The following TEAD1 variants were observed in gnomAD, a reference collection of about 807,000 sequenced individuals.
The protein encoded by TEAD1 is transcriptional enhancer factor TEF-1.
In TEAD1, 9 loss-of-function variants were observed where a neutral mutation model predicts 54.9. The observed-to-expected ratio is 0.16, with a 90% CI of 0.10 to 0.29. TEAD1 has a LOEUF of 0.29. Among genes scored for constraint, TEAD1 ranks in the 10% least tolerant of loss-of-function variants. The pLI, the probability that TEAD1 is intolerant of heterozygous loss-of-function variation, is 1.00. For missense variants in TEAD1, 387 were observed against 535.9 expected (o/e 0.72, Z 2.74); for synonymous variants, 200 against 187.8 (o/e 1.07, Z -0.53).
chr11:12,729,778 C>T (rs1294608598), intron 2 of TEAD1, among the ~76,000 whole-genome samples: 1 of 152,168 alleles, frequency 6.6e-6, no homozygotes, highest in Non-Finnish European at 1.5e-5. Flanking sequence ...GGTTGGCTAT[C>T]CGACTTCTGC....
chr11:12,742,325 C>G (rs1005990558), intron 2 of TEAD1, among the ~76,000 whole-genome samples: 2 of 152,088 alleles, frequency 1.3e-5, no homozygotes, highest in Admixed American at 1.3e-4. Context: ...ATTTCTACCT[C>G]TTGTAATTGT....
intron 3 of TEAD1, among the ~76,000 whole-genome samples, chr11:12,788,328 C>T (rs1042500004): frequency 6.6e-6 from 1 of 152,000 alleles, no homozygotes; most frequent in Non-Finnish European, 1.5e-5. Flanking sequence ...GACGGGGTTT[C>T]ACCATGTTGG....
At chr11:12,728,474 G>C (rs760852764) in intron 2 of TEAD1, among the ~76,000 whole-genome samples, 26 of 152,270 alleles carry the variant, frequency 1.7e-4, no homozygotes, top group Non-Finnish European at 3.5e-4. Flanking sequence ...GGACCAGTGG[G>C]GCAGAGACAA....
chr11:12,910,203 A>G (rs1407131970), intron 10 of TEAD1, among the ~76,000 whole-genome samples: 2 of 152,214 alleles, frequency 1.3e-5, no homozygotes, highest in Non-Finnish European at 2.9e-5. Flanking sequence ...ACAAAAACCC[A>G]AGTGTAGCTC....
At position 12,840,263 on chromosome 11, in the gene TEAD1, G is replaced by GAAAAAAAA. The variant is rs1564959349; in HGVS notation, c.203-21984_203-21977dup. ...CTCTGCCTCAAAAAAAAAAAAAAAA[G>GAAAAAAAA]AAAAAAAAAAGACCAGAAACGAAAT... On this transcript the variant is annotated intron_variant, in intron 3 of 12. Transcript: ENST00000527636. Among the ~76,000 whole-genome samples the GAAAAAAAA allele has an allele frequency of 8.7e-4, 38 of 43,546 alleles. 1 individual carries two copies. The highest frequency in any genetic ancestry group is 1.4e-3 in the Non-Finnish European group (33 of 24,064). 28.6% of individuals were successfully genotyped at this position (43,546 alleles called of 152,430 possible).
At chr11:12,813,681 A>G (rs1383322324) in intron 3 of TEAD1, among the ~76,000 whole-genome samples, 3 of 152,184 alleles carry the variant, frequency 2.0e-5, no homozygotes, top group Non-Finnish European at 4.4e-5. Context: ...GCAGGGCTGT[A>G]TAAGGATTCA....
chr11:12,843,829 A>C (rs1947088568), intron 3 of TEAD1, among the ~76,000 whole-genome samples: 2 of 152,238 alleles, frequency 1.3e-5, no homozygotes, highest in South Asian at 2.1e-4. Context: ...TAAAAATCAG[A>C]TGTTTCTGTG....
chr11:12,826,743 A>T (rs1441665270), intron 3 of TEAD1, among the ~76,000 whole-genome samples: 1 of 152,204 alleles, frequency 6.6e-6, no homozygotes, highest in African/African-American at 2.4e-5. Flanking sequence ...GTAAATGTTT[A>T]GTGCTTTGTA....
intron 5 of TEAD1, among the ~76,000 whole-genome samples, chr11:12,869,887 C>CT (rs34566296): frequency 3.2e-4 from 48 of 149,648 alleles, no homozygotes; most frequent in South Asian, 1.5e-3. Context: ...TTTTCTTTTT[C>CT]TTTTTTTTTT....
chr11:12,680,636 G>T (rs979351599), intron 2 of TEAD1, among the ~76,000 whole-genome samples: 2 of 152,194 alleles, frequency 1.3e-5, no homozygotes, highest in Admixed American at 6.5e-5. Flanking sequence ...CCCCGTACAC[G>T]TGCTCACATG....
At chr11:12,814,649 A>G (rs945579183) in intron 3 of TEAD1, among the ~76,000 whole-genome samples, 1 of 152,098 alleles carries the variant, frequency 6.6e-6, no homozygotes, top group African/African-American at 2.4e-5. Flanking sequence ...TGCGCATGTC[A>G]TCTCATTTAA....
intron 3 of TEAD1, among the ~76,000 whole-genome samples, chr11:12,861,814 C>G (rs1394243648): frequency 1.3e-5 from 2 of 152,086 alleles, no homozygotes; most frequent in African/African-American, 4.8e-5. Context: ...TGGAGAAACC[C>G]TGTCTCTACT....
chr11:12,788,504 ATAT>A (rs752689291), intron 3 of TEAD1, among the ~76,000 whole-genome samples: 5 of 152,186 alleles, frequency 3.3e-5, no homozygotes, highest in African/African-American at 7.2e-5. Context: ...AGCTTTGGTA[ATAT>A]TATTAACAGA....
chr11:12,743,062 C>T (rs1053894454), intron 2 of TEAD1, among the ~76,000 whole-genome samples: 1 of 152,186 alleles, frequency 6.6e-6, no homozygotes, highest in Admixed American at 6.5e-5. Context: ...TTATAGAGAC[C>T]TCTTGTTTGT....
At chr11:12,880,136 T>G (rs1050694982) in intron 6 of TEAD1, among the ~76,000 whole-genome samples, 1 of 152,034 alleles carries the variant, frequency 6.6e-6, no homozygotes, top group Admixed American at 6.5e-5. Context: ...CCTGAAGACA[T>G]GGAATTAAAT....
intron 2 of TEAD1, among the ~76,000 whole-genome samples, 177 bp downstream of exon 2, chr11:12,675,738 AC>A (rs1335336342): frequency 6.6e-6 from 1 of 152,236 alleles, no homozygotes; most frequent in Non-Finnish European, 1.5e-5. Flanking sequence ...TAAAAAAATA[AC>A]TTTTGTATTT....
At chr11:12,906,292 A>T (rs1408520241) in intron 10 of TEAD1, among the ~76,000 whole-genome samples, 1 of 152,178 alleles carries the variant, frequency 6.6e-6, no homozygotes, top group African/African-American at 2.4e-5. Flanking sequence ...CTGTAATCCT[A>T]GCACTTTGGG....
chr11:12,862,227 T>C, intron 3 of TEAD1, 23 bp from the exon 4 acceptor site: 1 of 1,608,858 alleles, frequency 6.2e-7, no homozygotes, highest in Non-Finnish European at 8.5e-7. Context: ...ACCCACCTCA[T>C]GGTAAATTCT....
chr11:12,775,300 G>A (rs1210010192), intron 3 of TEAD1, among the ~76,000 whole-genome samples: 1 of 152,140 alleles, frequency 6.6e-6, no homozygotes, highest in African/African-American at 2.4e-5. Flanking sequence ...GCTGGGCAGA[G>A]GTTCATCAGG....
Sources: allele counts gnomAD v4.1 joint callset (sites outside exome capture counted in the v4.1 genomes callset), GRCh38; gene constraint gnomAD v4.1.1; transcripts MANE v1.5; gene names NCBI Gene and HGNC (gene_info 2026-07-23, HGNC 2026-07-21).